The following GRIA4 variants were observed in gnomAD, a reference collection of about 807,000 sequenced individuals.
GRIA4 encodes glutamate receptor 4.
GRIA4 carries 34 observed loss-of-function variants against 104.0 expected under a neutral mutation model. The ratio of observed to expected loss-of-function variants is 0.33; its 90% CI spans 0.25 to 0.44. GRIA4 has a LOEUF of 0.44. Among genes scored for constraint, GRIA4 ranks in the 20% least tolerant of loss-of-function variants. The pLI is 1.00. For synonymous variants in GRIA4, 386 were observed against 381.9 expected (o/e 1.01, Z -0.13); for missense variants, 750 against 1,096.5 (o/e 0.68, Z 4.46).
At chr11:105,935,796 A>G (rs1948018177) in intron 14 of GRIA4, among the ~76,000 whole-genome samples, 1 of 152,090 alleles carries the variant, frequency 6.6e-6, no homozygotes. Flanking sequence ...ATGGCAAGAG[A>G]GTTCCCTCTT....
chr11:105,622,080 C>T (rs1950762930), intron 3 of GRIA4, among the ~76,000 whole-genome samples: 1 of 151,640 alleles, frequency 6.6e-6, no homozygotes, highest in Non-Finnish European at 1.5e-5. Context: ...ATATACGTTG[C>T]AAATTATTTT....
rs2136136121 is a variant in GRIA4, at chr11:105,900,999, G to T, written c.885+2572G>T. ...TGTAAATGTGATTCCTTTCCCCCTT[G>T]TAATCTCCATAGTATTTGATTGGGC... On this transcript the variant is annotated intron_variant, in intron 7 of 16. Coordinates refer to ENST00000282499, the MANE Select transcript of GRIA4 (RefSeq NM_000829.4). 1.3e-5 allele frequency among the ~76,000 whole-genome samples: 2 copies of T among 151,872 alleles called. 1 individual carries two copies. The highest frequency in any genetic ancestry group is 4.2e-4 in the South Asian group (2 of 4,810).
At chr11:105,615,060 G>A (rs1950567031) in intron 3 of GRIA4, among the ~76,000 whole-genome samples, 1 of 151,804 alleles carries the variant, frequency 6.6e-6, no homozygotes, top group Non-Finnish European at 1.5e-5. Flanking sequence ...ATATGTGGCT[G>A]GTTAAGTTTA....
intron 3 of GRIA4, among the ~76,000 whole-genome samples, chr11:105,685,992 T>A (rs1202395239): frequency 6.6e-6 from 1 of 152,022 alleles, no homozygotes; most frequent in South Asian, 2.1e-4. Flanking sequence ...AGACACTCAA[T>A]ACTAAGAAAT....
chr11:105,816,842 T>C (rs972636080), intron 4 of GRIA4, among the ~76,000 whole-genome samples: 1 of 151,914 alleles, frequency 6.6e-6, no homozygotes. Context: ...TGAGACCCCA[T>C]GTCTACAAAA....
intron 5 of GRIA4, among the ~76,000 whole-genome samples, chr11:105,880,805 T>A (rs1001074453): frequency 2.0e-5 from 3 of 152,210 alleles, no homozygotes; most frequent in Non-Finnish European, 4.4e-5. Context: ...GTATGGTATC[T>A]TATGCAACCT....
intron 3 of GRIA4, among the ~76,000 whole-genome samples, chr11:105,627,835 T>C (rs2135297201): frequency 6.6e-6 from 1 of 152,278 alleles, no homozygotes; most frequent in East Asian, 1.9e-4. Context: ...CAGATTAATA[T>C]AGATGCCGAT....
intron 16 of GRIA4, among the ~76,000 whole-genome samples, 178 bp from the exon 17 acceptor site, chr11:105,979,397 C>CG (rs1396998729): frequency 1.3e-5 from 2 of 152,150 alleles, no homozygotes; most frequent in African/African-American, 4.8e-5. Flanking sequence ...ATTCATTCTT[C>CG]GGTGTAGTTA....
At chr11:105,956,153 T>C (rs1413655508) in intron 14 of GRIA4, among the ~76,000 whole-genome samples, 8 of 45,740 alleles carry the variant, frequency 1.7e-4, no homozygotes. Flanking sequence ...AGGGTACATG[T>C]GCACAATATG....
intron 4 of GRIA4, among the ~76,000 whole-genome samples, chr11:105,801,600 C>T (rs1462638151): frequency 1.3e-5 from 2 of 151,940 alleles, no homozygotes; most frequent in Non-Finnish European, 2.9e-5. Context: ...TGAGAAAAAT[C>T]TTCCAATTGA....
intron 6 of GRIA4, among the ~76,000 whole-genome samples, chr11:105,893,617 T>C (rs190354883): frequency 6.6e-6 from 1 of 152,328 alleles, no homozygotes; most frequent in East Asian, 1.9e-4. Context: ...TGAACTATTA[T>C]TTATCAGCTA....
At chr11:105,753,826 A>G (rs529256000) in intron 4 of GRIA4, among the ~76,000 whole-genome samples, 1 of 152,280 alleles carries the variant, frequency 6.6e-6, no homozygotes, top group African/African-American at 2.4e-5. Flanking sequence ...AAAGGATATT[A>G]CAGAGGATAC....
At chr11:105,632,627 T>A (rs561893368) in intron 3 of GRIA4, among the ~76,000 whole-genome samples, 1 of 152,172 alleles carries the variant, frequency 6.6e-6, no homozygotes, top group Non-Finnish European at 1.5e-5. Context: ...GCAATGTGCA[T>A]TAAAATACAT....
At chr11:105,864,044 A>G (rs182108272) in intron 5 of GRIA4, among the ~76,000 whole-genome samples, 25 of 152,286 alleles carry the variant, frequency 1.6e-4, no homozygotes, top group Admixed American at 1.4e-3. Context: ...TTTCTTTTCT[A>G]TCATGGTTGC....
At chr11:105,939,324 T>C (rs1330918024) in intron 14 of GRIA4, among the ~76,000 whole-genome samples, 1 of 152,204 alleles carries the variant, frequency 6.6e-6, no homozygotes, top group Non-Finnish European at 1.5e-5. Flanking sequence ...AGTTGTATTT[T>C]AGTAACTTTC....
At chr11:105,705,273 G>A (rs971861932) in intron 3 of GRIA4, among the ~76,000 whole-genome samples, 4 of 152,028 alleles carry the variant, frequency 2.6e-5, no homozygotes, top group Non-Finnish European at 4.4e-5. Context: ...ATTCTAAATA[G>A]ACCAGGAATC....
chr11:105,663,454 C>T (rs184207740), intron 3 of GRIA4, among the ~76,000 whole-genome samples: 123 of 151,894 alleles, frequency 8.1e-4, no homozygotes, highest in Middle Eastern at 6.8e-3. Context: ...CATAGTCTCA[C>T]GGGGAAAATC....
chr11:105,866,977 A>G (rs1045667800), intron 5 of GRIA4, among the ~76,000 whole-genome samples: 1 of 152,166 alleles, frequency 6.6e-6, no homozygotes, highest in African/African-American at 2.4e-5. Context: ...ATGTCTCTAC[A>G]GTTGACTCAC....
intron 10 of GRIA4, chr11:105,912,263 G>T: frequency 1.0e-6 from 1 of 978,190 alleles, no homozygotes; most frequent in East Asian, 1.1e-4. Flanking sequence ...GAATTTGTGT[G>T]CTTGTTTTCT....
Sources: gnomAD v4.1 joint callset for allele counts (sites outside exome capture counted in the v4.1 genomes callset) on GRCh38, gnomAD v4.1.1 for gene constraint, MANE v1.5 for transcripts, NCBI Gene and HGNC (gene_info 2026-07-23, HGNC 2026-07-21) for gene names.